IL6: variants seen among roughly 807,000 people sequenced by gnomAD.
IL6 encodes the protein interleukin-6.
A neutral mutation model predicts 18.0 loss-of-function variants in IL6; 5 were observed. The observed-to-expected ratio is 0.28, with a 90% confidence interval of 0.15 to 0.58. IL6 has a LOEUF of 0.58. IL6 is among the 20% of genes least tolerant of loss of function. The probability of loss-of-function intolerance (pLI) is 0.90; values close to 1 mark genes in which losing one functional copy is unlikely to be tolerated. For missense variants in IL6, 266 were observed against 251.0 expected (o/e 1.06, Z -0.40); for synonymous variants, 97 against 95.1 (o/e 1.02, Z -0.12).
At chr7:22,731,238 A>G (rs1784118610) in intron 4 of IL6, among the ~76,000 whole-genome samples, 168 bp from the exon 5 acceptor site, 1 of 152,114 alleles carries the variant, frequency 6.6e-6, no homozygotes, top group Admixed American at 6.5e-5. Flanking sequence ...AAAAAAAAAA[A>G]AAGAAGTTTG....
Position 22,727,211 on chromosome 7 carries a change from G to C in IL6, c.-52G>C. 1 of 1,609,602 alleles carries C rather than the reference G, an allele frequency of 6.2e-7. No homozygotes were observed. Among genetic ancestry groups the C allele is most frequent in the Non-Finnish European group, 8.5e-7 (1 of 1,178,014 alleles). ...GATGTCTGAGGCTCATTCTGCCCTC[G>C]AGCCCACCGGGAACGAAAGAGAAGC... On this transcript the variant is annotated 5_prime_UTR_variant, in exon 1 of 5. Coordinates refer to ENST00000258743, the MANE Select transcript of IL6 (RefSeq NM_000600.5).
At position 22,731,462 on chromosome 7, in the gene IL6, G is replaced by C. The variant is rs1784123388; in HGVS notation, c.528G>C (p.Leu176=). Residue 176 remains leucine (L), a synonymous_variant, in exon 5 of 5, where the codon CTG becomes CTC. Coordinates refer to ENST00000258743, the MANE Select transcript of IL6 (RefSeq NM_000600.5). The part of the protein sequence containing the change: ...TPDPTTNASL[L]TKLQAQNQWL... ...ACCCAACCACAAATGCCAGCCTGCTGACGAAGCTGCAGGCACAGAACCAGT... is the reference window on the plus strand; with the variant it reads ...ACCCAACCACAAATGCCAGCCTGCTCACGAAGCTGCAGGCACAGAACCAGT... 1 of 1,607,928 alleles carries C rather than the reference G, an allele frequency of 6.2e-7. No homozygotes were observed. Among genetic ancestry groups the C allele is most frequent in the Non-Finnish European group, 8.5e-7 (1 of 1,175,492 alleles).
chr7:22,729,437 A>G, intron 3 of IL6, 77 bp from the exon 4 acceptor site: 1 of 1,404,952 alleles, frequency 7.1e-7, no homozygotes, highest in African/African-American at 1.4e-5. Flanking sequence ...AAAGATGTCG[A>G]ACTGTGGCAA....
chr7:22,729,516 G>C lies in IL6; in HGVS notation c.327G>C (p.Glu109Asp). ...DGCFQSGFNEETCLVKIITGL... is the reference protein window; with the variant it reads ...DGCFQSGFNEDTCLVKIITGL... ...TTTCCCACCATCTTTCCTCTTAGGA[G>C]ACTTGCCTGGTGAAAATCATCACTG... The change falls in exon 4 of 5, where the codon GAG becomes GAC. Residue 109 changes from glutamate to aspartate, a missense_variant and splice_region_variant. Coordinates refer to ENST00000258743, the MANE Select transcript of IL6 (RefSeq NM_000600.5). 6.2e-7 allele frequency: 1 copy of C among 1,612,974 alleles called. No homozygotes were observed. Among genetic ancestry groups the C allele is most frequent in the Non-Finnish European group, 8.5e-7 (1 of 1,179,168 alleles).
In IL6 at chr7:22,727,220, G is replaced by A. The variant is rs199546667; in HGVS notation, c.-43G>A. 3.4e-5 allele frequency: 54 copies of A among 1,611,936 alleles called. No homozygotes were observed. Among genetic ancestry groups the A allele is most frequent in the Non-Finnish European group, 4.2e-5 (49 of 1,179,512 alleles). ...GGCTCATTCTGCCCTCGAGCCCACC[G>A]GGAACGAAAGAGAAGCTCTATCTCC... On this transcript the variant is annotated 5_prime_UTR_variant, in exon 1 of 5. Coordinates refer to ENST00000258743, the MANE Select transcript of IL6 (RefSeq NM_000600.5).
At chr7:22,729,471 A>T in intron 3 of IL6, 43 bp from the exon 4 acceptor site, 4 of 1,582,230 alleles carry the variant, frequency 2.5e-6, no homozygotes, top group Non-Finnish European at 3.5e-6. Context: ...AATTGATTCT[A>T]TCTCCTGGCG....
intron 3 of IL6, 113 bp downstream of exon 3, chr7:22,728,919 A>T (rs978527694): frequency 4.4e-6 from 3 of 676,678 alleles, no homozygotes; most frequent in African/African-American, 3.6e-5. Context: ...GGGTAAATGT[A>T]AAGAATGTTA....
intron 1 of IL6, 65 bp downstream of exon 1, chr7:22,727,346 G>A (rs768473558): frequency 6.2e-7 from 1 of 1,613,942 alleles, no homozygotes. Flanking sequence ...TGAGGGAGGG[G>A]TGTGTGGCCC....
At chr7:22,729,682 C>T (rs200717293) in intron 4 of IL6, 22 bp downstream of exon 4, 1 of 1,614,158 alleles carries the variant, frequency 6.2e-7, no homozygotes, top group East Asian at 2.2e-5. Flanking sequence ...CTCATTCCCT[C>T]AACTTGGTGT....
intron 4 of IL6, chr7:22,730,210 G>C (rs911610380): frequency 1.0e-6 from 1 of 985,296 alleles, no homozygotes; most frequent in Admixed American, 6.1e-5. Context: ...TTGCTGGCTA[G>C]CATGTGGAGG....
intron 2 of IL6, 69 bp from the exon 3 acceptor site, chr7:22,728,624 G>A: frequency 2.3e-6 from 2 of 876,414 alleles, no homozygotes; most frequent in Non-Finnish European, 3.8e-6. Flanking sequence ...GTTGAACAAT[G>A]AAAAGGCCCT....
Position 22,731,455 on chromosome 7 carries a change from G to C in IL6, c.521G>C (p.Ser174Thr). 6.2e-7 allele frequency: 1 copy of C among 1,606,800 alleles called. No homozygotes were observed. Among genetic ancestry groups the C allele is most frequent in the African/African-American group, 1.3e-5 (1 of 74,970 alleles). ...ACCCCTGACCCAACCACAAATGCCA[G>C]CCTGCTGACGAAGCTGCAGGCACAG... ...ITTPDPTTNASLLTKLQAQNQ... is the reference protein window; with the variant it reads ...ITTPDPTTNATLLTKLQAQNQ... The change falls in exon 5 of 5, where the codon AGC (serine) becomes ACC (threonine). Residue 174 changes from serine to threonine, a missense_variant. Physicochemically the swap from Ser to Thr is moderately conservative, Grantham distance 58. Coordinates refer to ENST00000258743, the MANE Select transcript of IL6 (RefSeq NM_000600.5).
intron 4 of IL6, among the ~76,000 whole-genome samples, 186 bp from the exon 5 acceptor site, chr7:22,731,220 T>G (rs1283900156): frequency 6.6e-6 from 1 of 151,052 alleles, no homozygotes; most frequent in African/African-American, 2.4e-5. Flanking sequence ...GAACGAGACC[T>G]TGACTCAAAA....
chr7:22,727,240 A>G lies in IL6; in HGVS notation c.-23A>G, dbSNP rs368772259. ...CCACCGGGAACGAAAGAGAAGCTCT[A>G]TCTCCCCTCCAGGAGCCCAGCTATG... On this transcript the variant is annotated 5_prime_UTR_variant, in exon 1 of 5. Coordinates refer to ENST00000258743, the MANE Select transcript of IL6 (RefSeq NM_000600.5). 10 of 1,613,168 alleles carry G rather than the reference A, an allele frequency of 6.2e-6. No individual in the cohort carries two copies. Among genetic ancestry groups the G allele is most frequent in the African/African-American group, 2.7e-5 (2 of 74,862 alleles).
At position 22,729,544 on chromosome 7, in the gene IL6, C is replaced by A; in HGVS notation, c.355C>A (p.Leu119Ile). The change falls in exon 4 of 5, where the codon CTT becomes ATT. Residue 119 changes from leucine (L) to isoleucine (I), a missense_variant. Transcript: ENST00000258743. ...ETCLVKIITG[L>I]LEFEVYLEYL... The stretch of plus-strand genomic sequence containing the variant: ...TTGCCTGGTGAAAATCATCACTGGT[C>A]TTTTGGAGTTTGAGGTATACCTAGA... 6.2e-7 allele frequency: 1 copy of A among 1,614,104 alleles called. No individual in the cohort carries two copies. The highest frequency in any genetic ancestry group is 1.3e-5 in the African/African-American group (1 of 75,040).
chr7:22,727,397 C>T, intron 1 of IL6, 47 bp from the exon 2 acceptor site: 1 of 1,613,272 alleles, frequency 6.2e-7, no homozygotes, highest in Non-Finnish European at 8.5e-7. Flanking sequence ...GGCAGGCTCC[C>T]AGCTGTGCTG....
chr7:22,727,653 G>A lies in IL6; in HGVS notation c.210+19G>A. On this transcript the variant is annotated intron_variant, in intron 2 of 4. Coordinates refer to ENST00000258743, the MANE Select transcript of IL6 (RefSeq NM_000600.5). ...AAAGGAGGTGGGTAGGCTTGGCGAT[G>A]GGGTTGAAGGGCCCGGTGCGCATGC... 1 of 1,530,326 alleles carries A rather than the reference G, an allele frequency of 6.5e-7. No individual in the cohort carries two copies. The highest frequency in any genetic ancestry group is 8.8e-7 in the Non-Finnish European group (1 of 1,142,110). 94.8% of individuals were successfully genotyped at this position (1,530,326 alleles called of 1,614,324 possible). A position where few individuals can be genotyped will look rare whatever the true frequency, so the allele number is the denominator to read the frequency against.
chr7:22,727,267 A>T lies in IL6; in HGVS notation c.5A>T (p.Asn2Ile), dbSNP rs200700194. MNSFSTSAFGPV... is the reference protein window; with the variant it reads MISFSTSAFGPV... Reference sequence around the variant, plus strand: ...CTCCCCTCCAGGAGCCCAGCTATGAACTCCTTCTCCACAAGTAAGTGCAGG... The same window carrying T: ...CTCCCCTCCAGGAGCCCAGCTATGATCTCCTTCTCCACAAGTAAGTGCAGG... Residue 2 changes from asparagine (N) to isoleucine (I), a missense_variant, in exon 1 of 5, where the codon AAC becomes ATC. By Grantham distance (149) the Asn-to-Ile change is moderately radical. Transcript: ENST00000258743. 6.2e-7 allele frequency: 1 copy of T among 1,613,418 alleles called. No individual in the cohort carries two copies. The highest frequency in any genetic ancestry group is 2.2e-5 in the East Asian group (1 of 44,846).
intron 3 of IL6, 78 bp downstream of exon 3, chr7:22,728,884 A>G: frequency 2.5e-6 from 2 of 809,762 alleles, no homozygotes; most frequent in Non-Finnish European, 4.4e-6. Context: ...CTGTATACAT[A>G]TAGATCCAGG....
Sources: gnomAD v4.1 joint callset for allele counts (sites outside exome capture counted in the v4.1 genomes callset) on GRCh38, gnomAD v4.1.1 for gene constraint, MANE v1.5 for transcripts, NCBI Gene and HGNC (gene_info 2026-07-23, HGNC 2026-07-21) for gene names.